The following FAT3 variants were observed in gnomAD, a reference collection of about 807,000 sequenced individuals.
The protein encoded by FAT3 is protocadherin Fat 3.
Under a neutral mutation model 310.2 loss-of-function variants are expected in FAT3, and 95 were observed. That is an observed-to-expected ratio of 0.31 (90% CI 0.26 to 0.36). The LOEUF (loss-of-function observed/expected upper bound fraction) is 0.36. FAT3 is among the 10% of genes least tolerant of loss of function. FAT3 has a pLI of 1.00. For missense variants in FAT3, 5,408 were observed against 5,715.6 expected, an observed-to-expected ratio of 0.95 and a Z score of 1.74; for synonymous variants, 2,314 against 2,192.9, an observed-to-expected ratio of 1.06 and a Z score of -1.54.
chr11:92,517,459 T>C (rs1953525123), intron 2 of FAT3, among the ~76,000 whole-genome samples: 2 of 152,164 alleles, frequency 1.3e-5, no homozygotes, highest in African/African-American at 4.8e-5. Context: ...TTACATCTTG[T>C]ACAAAAATTA....
chr11:92,440,325 G>A (rs1361937054), intron 2 of FAT3, among the ~76,000 whole-genome samples: 2 of 152,192 alleles, frequency 1.3e-5, no homozygotes, highest in Admixed American at 6.5e-5. Flanking sequence ...ACCACTGTGG[G>A]CAAGTGGAGC....
At chr11:92,878,176 G>A (rs1206928571) in intron 22 of FAT3, among the ~76,000 whole-genome samples, 1 of 152,150 alleles carries the variant, frequency 6.6e-6, no homozygotes, top group African/African-American at 2.4e-5. Context: ...AAAATCTGCA[G>A]AGTAAGCCAG....
intron 3 of FAT3, among the ~76,000 whole-genome samples, chr11:92,620,253 A>C (rs927537725): frequency 6.6e-6 from 1 of 152,138 alleles, no homozygotes; most frequent in East Asian, 1.9e-4. Context: ...TTTATTAAGG[A>C]TTGTTCTATG....
intron 3 of FAT3, among the ~76,000 whole-genome samples, chr11:92,636,329 A>T (rs1480570980): frequency 6.6e-6 from 1 of 152,186 alleles, no homozygotes; most frequent in Non-Finnish European, 1.5e-5. Context: ...TTGGGCAGGA[A>T]AAAAGAAAAG....
At chr11:92,699,206 G>T (rs1434659990) in intron 4 of FAT3, among the ~76,000 whole-genome samples, 2 of 152,136 alleles carry the variant, frequency 1.3e-5, no homozygotes, top group Non-Finnish European at 2.9e-5. Flanking sequence ...GCTTGGGAAG[G>T]GGTGGGAAGT....
intron 3 of FAT3, among the ~76,000 whole-genome samples, chr11:92,653,697 G>A (rs1156947094): frequency 1.3e-5 from 2 of 152,162 alleles, no homozygotes; most frequent in Admixed American, 1.3e-4. Flanking sequence ...CAGTTGGAAA[G>A]TCCAGTTCCT....
chr11:92,678,411 A>C (rs1397457464), intron 3 of FAT3, among the ~76,000 whole-genome samples: 3 of 152,114 alleles, frequency 2.0e-5, no homozygotes, highest in Admixed American at 2.0e-4. Flanking sequence ...AATCGGCCTT[A>C]GGCTCTTTAC....
chr11:92,355,036 T>C lies in FAT3; in HGVS notation c.2924T>C (p.Leu975Ser). 1 of 1,613,812 alleles carries C rather than the reference T, an allele frequency of 6.2e-7. No individual in the cohort carries two copies. Among genetic ancestry groups the C allele is most frequent in the Non-Finnish European group, 8.5e-7 (1 of 1,179,864 alleles). The change falls in exon 2 of 28, where the codon TTG (leucine) becomes TCG (serine). Residue 975 changes from leucine to serine, a missense_variant. Around this residue, in one of 5 missense-constraint regions of FAT3, gnomAD observed 4,588 missense variants for 4,809.8 expected, o/e 0.95. Transcript: ENST00000525166. ...LGLGGQVRYS[L>S]VNDYNGRFEI... ...CTGGGGGGTCAAGTGCGCTATTCTT[T>C]GGTCAATGACTATAATGGGAGATTT...
At chr11:92,232,852 G>C (rs1025711813) in intron 1 of FAT3, among the ~76,000 whole-genome samples, 1 of 152,036 alleles carries the variant, frequency 6.6e-6, no homozygotes. Flanking sequence ...GAAGTAATTA[G>C]AGTAACTTCC....
At position 92,890,599 on chromosome 11, in the gene FAT3, C is replaced by T. The variant is rs2136443648; in HGVS notation, c.13256C>T (p.Thr4419Ile). The change falls in exon 28 of 28, where the codon ACA becomes ATA. Residue 4419 changes from threonine (T) to isoleucine (I), a missense_variant. Physicochemically the swap from Thr to Ile is moderately conservative, Grantham distance 89. Transcript: ENST00000525166. ...GGAGGGTCTGCACACCAGGGGAGCACACGGGAGCTGGAGAGCGATTACTAC... is the reference window on the plus strand; with the variant it reads ...GGAGGGTCTGCACACCAGGGGAGCATACGGGAGCTGGAGAGCGATTACTAC... Reference protein sequence around the residue: ...QDGGSAHQGSTRELESDYYLG... With the variant: ...QDGGSAHQGSIRELESDYYLG... 6.2e-7 allele frequency: 1 copy of T among 1,613,630 alleles called. No homozygotes were observed. Among genetic ancestry groups the T allele is most frequent in the Non-Finnish European group, 8.5e-7 (1 of 1,179,836 alleles).
intron 2 of FAT3, chr11:92,403,488 A>G (rs1215348585): frequency 6.6e-6 from 1 of 152,212 alleles, no homozygotes; most frequent in Admixed American, 6.5e-5. Context: ...CCAGGTGGAT[A>G]TTGCAAAATG....
At chr11:92,226,008 G>A (rs1352275354) in intron 1 of FAT3, among the ~76,000 whole-genome samples, 2 of 152,184 alleles carry the variant, frequency 1.3e-5, no homozygotes, top group Non-Finnish European at 2.9e-5. Flanking sequence ...CGGATTGGGG[G>A]CGAGAACGCC....
chr11:92,531,234 C>T (rs1394995659), intron 3 of FAT3, among the ~76,000 whole-genome samples: 2 of 152,170 alleles, frequency 1.3e-5, no homozygotes, highest in Admixed American at 1.3e-4. Context: ...TAGAACAAAT[C>T]GGGCTTATGC....
intron 4 of FAT3, among the ~76,000 whole-genome samples, chr11:92,749,645 A>G (rs1038675966): frequency 6.6e-6 from 1 of 152,184 alleles, no homozygotes; most frequent in Non-Finnish European, 1.5e-5. Context: ...GGAGGTAGGA[A>G]AATACTCAAC....
At chr11:92,455,265 T>A (rs980089482) in intron 2 of FAT3, among the ~76,000 whole-genome samples, 2 of 152,214 alleles carry the variant, frequency 1.3e-5, no homozygotes, top group Non-Finnish European at 2.9e-5. Flanking sequence ...AAGATTATTC[T>A]CTGGGTACAG....
chr11:92,704,145 G>C (rs891956994), intron 4 of FAT3, among the ~76,000 whole-genome samples: 1 of 152,212 alleles, frequency 6.6e-6, no homozygotes, highest in African/African-American at 2.4e-5. Context: ...CAGGTGTCAA[G>C]TTAACCCAGC....
chr11:92,271,358 C>T (rs1946117730), intron 1 of FAT3, among the ~76,000 whole-genome samples: 1 of 152,152 alleles, frequency 6.6e-6, no homozygotes, highest in Non-Finnish European at 1.5e-5. Context: ...TTCATGTCTT[C>T]CCTCTGCTGC....
chr11:92,751,897 T>A (rs1468426077), intron 4 of FAT3, among the ~76,000 whole-genome samples: 1 of 152,132 alleles, frequency 6.6e-6, no homozygotes, highest in Non-Finnish European at 1.5e-5. Flanking sequence ...TCTTAACGTC[T>A]AAGCCTCACC....
rs143549557 is a variant in FAT3 at position 92,766,839 on chromosome 11, C to G, written c.4195+1750C>G. ...ACAAAGGGTTGCACGTAGTCATGGT[C>G]TGGTTTTCTGTACAGTCACCTTTAA... On this transcript the variant is annotated intron_variant, in intron 6 of 27. Transcript: ENST00000525166. 319 of 152,368 alleles carry G rather than the reference C, an allele frequency of 2.1e-3. 1 individual carries two copies. Among genetic ancestry groups the G allele is most frequent in the African/African-American group, 7.4e-3 (309 of 41,586 alleles). 9.4% of individuals were successfully genotyped at this position (152,368 alleles called of 1,614,324 possible).
Sources: gnomAD v4.1 joint callset for allele counts (sites outside exome capture counted in the v4.1 genomes callset) on GRCh38, gnomAD v4.1.1 for gene constraint, gnomAD v4.1.1 regional missense constraint, MANE v1.5 for transcripts, NCBI Gene and HGNC (gene_info 2026-07-23, HGNC 2026-07-21) for gene names.